ZBTB7C: variants seen among roughly 807,000 people sequenced by gnomAD.
ZBTB7C encodes zinc finger and BTB domain-containing protein 7C.
Under a neutral mutation model 25.7 loss-of-function variants are expected in ZBTB7C, and 8 were observed. That is an observed-to-expected ratio of 0.31 (90% confidence interval 0.18 to 0.56). ZBTB7C has a LOEUF of 0.56. ZBTB7C is among the 20% of genes least tolerant of loss of function. The pLI, the probability that ZBTB7C is intolerant of heterozygous loss-of-function variation, is 0.91. For synonymous variants in ZBTB7C, 394 were observed against 369.0 expected, an observed-to-expected ratio of 1.07 and a Z score of -0.78; for missense variants, 824 against 855.2, an observed-to-expected ratio of 0.96 and a Z score of 0.46.
At chr18:48,124,104 C>T (rs887856880) in intron 3 of ZBTB7C, among the ~76,000 whole-genome samples, 1 of 152,206 alleles carries the variant, frequency 6.6e-6, no homozygotes, top group African/African-American at 2.4e-5. Flanking sequence ...TACTATCTCC[C>T]CAACTCTCCA....
intron 1 of ZBTB7C, among the ~76,000 whole-genome samples, chr18:48,405,262 G>A (rs528660953): frequency 2.0e-5 from 3 of 152,092 alleles, no homozygotes; most frequent in Non-Finnish European, 2.9e-5. Flanking sequence ...AGGGGCCATC[G>A]GGGACCTATT....
chr18:48,268,467 A>T (rs1283220591), intron 2 of ZBTB7C, among the ~76,000 whole-genome samples: 2 of 152,240 alleles, frequency 1.3e-5, no homozygotes, highest in Non-Finnish European at 2.9e-5. Context: ...TTGATTAGAC[A>T]TCAAGGGCAG....
At chr18:48,104,726 CCCT>C (rs2038968404) in intron 3 of ZBTB7C, among the ~76,000 whole-genome samples, 1 of 152,178 alleles carries the variant, frequency 6.6e-6, no homozygotes, top group East Asian at 1.9e-4. Context: ...GACCGAAATG[CCCT>C]CCTAAGCCAG....
At chr18:48,178,436 A>G (rs1392802188) in intron 3 of ZBTB7C, among the ~76,000 whole-genome samples, 1 of 152,214 alleles carries the variant, frequency 6.6e-6, no homozygotes, top group Non-Finnish European at 1.5e-5. Context: ...TCATCTTTTC[A>G]TAAGTTACTG....
chr18:48,356,259 C>T (rs977049758), intron 1 of ZBTB7C, among the ~76,000 whole-genome samples: 2 of 152,174 alleles, frequency 1.3e-5, no homozygotes, highest in Non-Finnish European at 2.9e-5. Context: ...CAAGTGAACT[C>T]GCTCAGAAAG....
intron 2 of ZBTB7C, among the ~76,000 whole-genome samples, chr18:48,304,183 T>A (rs1196993550): frequency 1.3e-5 from 2 of 152,220 alleles, no homozygotes; most frequent in African/African-American, 4.8e-5. Flanking sequence ...CCCAGCTGCC[T>A]GCTTCTAATG....
chr18:48,134,059 T>C (rs1400014940), intron 3 of ZBTB7C, among the ~76,000 whole-genome samples: 1 of 151,622 alleles, frequency 6.6e-6, no homozygotes, highest in Admixed American at 6.6e-5. Context: ...CAAGGTAGTA[T>C]GCAATATGAT....
chr18:48,065,341 A>T (rs1385159317), intron 3 of ZBTB7C, among the ~76,000 whole-genome samples: 1 of 152,020 alleles, frequency 6.6e-6, no homozygotes, highest in Non-Finnish European at 1.5e-5. Context: ...TCTCTCACAC[A>T]CACACACACA....
intron 3 of ZBTB7C, among the ~76,000 whole-genome samples, chr18:48,140,633 A>G (rs1334020634): frequency 6.6e-6 from 1 of 152,142 alleles, no homozygotes; most frequent in Non-Finnish European, 1.5e-5. Flanking sequence ...CTCTTCCTGA[A>G]CCCAAGAGGG....
intron 3 of ZBTB7C, among the ~76,000 whole-genome samples, chr18:48,167,563 GGT>G (rs748451365): frequency 0.12 from 17,643 of 142,474 alleles, 1,187 homozygotes; most frequent in East Asian, 0.22. Flanking sequence ...GCATTGCTAG[GGT>G]GTGTGTGTGT....
At chr18:48,181,688 C>A (rs978326239) in intron 3 of ZBTB7C, among the ~76,000 whole-genome samples, 4 of 152,186 alleles carry the variant, frequency 2.6e-5, no homozygotes, top group Non-Finnish European at 5.9e-5. Context: ...CCTCGTCCAC[C>A]TTCTCAAGCC....
intron 2 of ZBTB7C, among the ~76,000 whole-genome samples, chr18:48,322,703 C>A (rs1259446402): frequency 6.6e-6 from 1 of 152,106 alleles, no homozygotes; most frequent in Non-Finnish European, 1.5e-5. Flanking sequence ...GGGTATCTAC[C>A]CCGAGGAAAG....
chr18:48,093,105 T>C (rs2038479648), intron 3 of ZBTB7C, among the ~76,000 whole-genome samples: 1 of 152,170 alleles, frequency 6.6e-6, no homozygotes, highest in African/African-American at 2.4e-5. Flanking sequence ...CAGAAAGCTG[T>C]GAGAGTAGAA....
intron 3 of ZBTB7C, among the ~76,000 whole-genome samples, chr18:48,070,464 A>G (rs542154972): frequency 6.6e-6 from 1 of 152,330 alleles, no homozygotes; most frequent in South Asian, 2.1e-4. Context: ...GAGGAAGAAG[A>G]GGAAGAAGAC....
At chr18:48,052,211 A>T (rs1161241950) in intron 3 of ZBTB7C, among the ~76,000 whole-genome samples, 1 of 152,066 alleles carries the variant, frequency 6.6e-6, no homozygotes, top group African/African-American at 2.4e-5. Context: ...GGCTCCCTGG[A>T]GGGTGGGGCT....
rs553294405 is a variant in ZBTB7C, at chr18:48,372,773, C to T, written c.-303-34375G>A. ...ACACACCCTGTCAATAATCATGATT[C>T]TACCCTATATGCAGGTCCTGGAGGC... is the stretch of plus-strand genomic sequence containing the variant. On this transcript the variant is annotated intron_variant, in intron 1 of 4. Transcript: ENST00000590800. Among the ~76,000 whole-genome samples, 3 of 152,230 alleles carry T rather than the reference C, an allele frequency of 2.0e-5. No individual in the cohort carries two copies. In the South Asian group the frequency reaches 6.2e-4, roughly 32 times the overall value.
chr18:48,176,579 A>G (rs1183820421), intron 3 of ZBTB7C, among the ~76,000 whole-genome samples: 1 of 151,990 alleles, frequency 6.6e-6, no homozygotes, highest in Non-Finnish European at 1.5e-5. Context: ...TGAAGTATGT[A>G]GGGGTGAACT....
chr18:48,139,824 C>T (rs2040288030), intron 3 of ZBTB7C, among the ~76,000 whole-genome samples: 1 of 152,090 alleles, frequency 6.6e-6, no homozygotes, highest in Admixed American at 6.5e-5. Context: ...ACAGAAGGGG[C>T]TCTGGATGCA....
chr18:48,261,736 G>A (rs938657842), intron 2 of ZBTB7C, among the ~76,000 whole-genome samples: 1 of 152,198 alleles, frequency 6.6e-6, no homozygotes, highest in Non-Finnish European at 1.5e-5. Context: ...CGAAGCAAGT[G>A]CCAGGTGGCA....
Sources: allele counts gnomAD v4.1 joint callset (sites outside exome capture counted in the v4.1 genomes callset), GRCh38; gene constraint gnomAD v4.1.1; transcripts MANE v1.5; gene names NCBI Gene and HGNC (gene_info 2026-07-23, HGNC 2026-07-21).